The following GNAI2 variants were observed in gnomAD, a reference collection of about 807,000 sequenced individuals.
The protein encoded by GNAI2 is G protein subunit alpha i2.
Under a neutral mutation model 36.8 loss-of-function variants are expected in GNAI2, and 4 were observed. That is an observed-to-expected ratio of 0.11 (90% CI 0.05 to 0.25). GNAI2 has a LOEUF of 0.25. Ranked by LOEUF, GNAI2 falls within the 10% of genes least tolerant of loss-of-function variation. The pLI is 1.00. For missense variants in GNAI2, 230 were observed against 481.3 expected (o/e 0.48, Z 4.89); for synonymous variants, 194 against 194.1 (o/e 1.00, Z 0.01).
At chr3:50,254,852 CT>C (rs782754973) in intron 4 of GNAI2, among the ~76,000 whole-genome samples, 2 of 152,246 alleles carry the variant, frequency 1.3e-5, no homozygotes, top group Non-Finnish European at 2.9e-5. Flanking sequence ...ATAGCTCCCC[CT>C]GGGAATGGGT....
At position 50,252,827 on chromosome 3, in the gene GNAI2, G is replaced by A. The variant is rs1700595829; in HGVS notation, c.304-197G>A. On this transcript the variant is annotated intron_variant, in intron 3 of 8. Transcript: ENST00000313601. The surrounding 1 kb of genome is among the most constrained non-coding windows in gnomAD (Gnocchi z 4.1). ...TGCAGTGAGCCAAGATCGCCCCATT[G>A]CACTCTAGCCTTGGTGACAGAGCTA... Among the ~76,000 whole-genome samples, 1 of 152,178 alleles carries A rather than the reference G, an allele frequency of 6.6e-6. No individual in the cohort carries two copies. The highest frequency in any genetic ancestry group is 2.1e-4 in the South Asian group (1 of 4,834).
At chr3:50,254,020 A>G (rs1700629244) in intron 4 of GNAI2, among the ~76,000 whole-genome samples, 1 of 151,828 alleles carries the variant, frequency 6.6e-6, no homozygotes, top group Non-Finnish European at 1.5e-5. Flanking sequence ...CAGGGGAGGA[A>G]GTTATCTGGG....
chr3:50,240,927 A>AAAAAAAAAG (rs1409630610), intron 1 of GNAI2, among the ~76,000 whole-genome samples: 380 of 122,608 alleles, frequency 3.1e-3, no homozygotes, highest in African/African-American at 0.018. Flanking sequence ...TCAAAAAAAA[A>AAAAAAAAAG]AAAAAAAAAG....
In GNAI2 at chr3:50,236,283, C is replaced by G; in HGVS notation, c.-53C>G. The G allele has an allele frequency of 8.0e-7, 1 of 1,251,456 alleles. No homozygotes were observed. Among genetic ancestry groups the G allele is most frequent in the Non-Finnish European group, 1.0e-6 (1 of 997,722 alleles). 77.5% of individuals were successfully genotyped at this position (1,251,456 alleles called of 1,614,324 possible). On this transcript the variant is annotated 5_prime_UTR_variant, in exon 1 of 9. Transcript: ENST00000313601. This position sits in a 1 kb window ranked among gnomAD's most constrained non-coding sequence, Gnocchi z 4.0. ...CGGAGTGGGTCGGGCGGGGCCGAGC[C>G]GGGCCGTGGGCCGTGTGGGGGCCGG...
At position 50,258,579 on chromosome 3, in the gene GNAI2, A is replaced by G. The variant is rs915335579; in HGVS notation, c.*236A>G. 5.3e-6 allele frequency: 1 copy of G among 189,954 alleles called. No individual in the cohort carries two copies. Among genetic ancestry groups the G allele is most frequent in the Admixed American group, 5.7e-5 (1 of 17,486 alleles). 11.8% of individuals were successfully genotyped at this position (189,954 alleles called of 1,614,324 possible). A position where few individuals can be genotyped will look rare whatever the true frequency, so the allele number is the denominator to read the frequency against. Reference sequence around the variant, plus strand: ...CTGAGATGCTGGTAATGGCCATGGTACCCCCTTCTGGGCATCTGTTCTGGT... The same window carrying G: ...CTGAGATGCTGGTAATGGCCATGGTGCCCCCTTCTGGGCATCTGTTCTGGT... On this transcript the variant is annotated 3_prime_UTR_variant, in exon 9 of 9. Coordinates refer to ENST00000313601, the MANE Select transcript of GNAI2 (RefSeq NM_002070.4).
intron 5 of GNAI2, 147 bp from the exon 6 acceptor site, chr3:50,256,576 G>A (rs1365364395): frequency 1.1e-6 from 1 of 882,188 alleles, no homozygotes; most frequent in Admixed American, 2.2e-5. Flanking sequence ...CCCAGAACCA[G>A]GGGTGAAGTG....
chr3:50,250,538 C>T (rs1490039370), intron 1 of GNAI2, among the ~76,000 whole-genome samples: 2 of 152,200 alleles, frequency 1.3e-5, no homozygotes, highest in African/African-American at 2.4e-5. Flanking sequence ...CTGGCAGCTG[C>T]AGGTGTGACT....
At chr3:50,243,726 T>C (rs1238663728) in intron 1 of GNAI2, among the ~76,000 whole-genome samples, 3 of 152,246 alleles carry the variant, frequency 2.0e-5, no homozygotes, top group Non-Finnish European at 2.9e-5. Flanking sequence ...AGGGACTTTA[T>C]GCACTTAAAC....
Position 50,253,298 on chromosome 3 carries a change from C to T in GNAI2, c.464+114C>T. ...ACACTGCTGGTCTTTGCTTATGAAA[C>T]CGATGACTGTTAACCAAGGCCTTCC... On this transcript the variant is annotated intron_variant, in intron 4 of 8. Coordinates refer to ENST00000313601, the MANE Select transcript of GNAI2 (RefSeq NM_002070.4). This position sits in a 1 kb window ranked among gnomAD's most constrained non-coding sequence, Gnocchi z 4.2. 1 of 833,016 alleles carries T rather than the reference C, an allele frequency of 1.2e-6. No individual in the cohort carries two copies. Among genetic ancestry groups the T allele is most frequent in the East Asian group, 2.5e-5 (1 of 39,338 alleles). 51.6% of individuals were successfully genotyped at this position (833,016 alleles called of 1,614,324 possible). A position where few individuals can be genotyped will look rare whatever the true frequency, so the allele number is the denominator to read the frequency against.
rs1575459250 is a variant in GNAI2, at chr3:50,258,546, G to A, written c.*203G>A. 5.6e-6 allele frequency: 1 copy of A among 179,026 alleles called. No individual in the cohort carries two copies. The highest frequency in any genetic ancestry group is 5.8e-5 in the Admixed American group (1 of 17,192). 11.1% of individuals were successfully genotyped at this position (179,026 alleles called of 1,614,324 possible). A position where few individuals can be genotyped will look rare whatever the true frequency, so the allele number is the denominator to read the frequency against. On this transcript the variant is annotated 3_prime_UTR_variant, in exon 9 of 9. Coordinates refer to ENST00000313601, the MANE Select transcript of GNAI2 (RefSeq NM_002070.4). ...CCACAGGCCTCCCTGTTTGAAGCCT[G>A]CCCTTGTCTGAGATGCTGGTAATGG...
intron 1 of GNAI2, among the ~76,000 whole-genome samples, chr3:50,246,177 C>T (rs587654283): frequency 2.6e-4 from 39 of 152,310 alleles, no homozygotes; most frequent in Admixed American, 2.5e-3. Context: ...GGTCTCTGCC[C>T]CTCCCTCCCG....
chr3:50,254,013 G>T (rs1553702875), intron 4 of GNAI2, among the ~76,000 whole-genome samples: 2 of 152,026 alleles, frequency 1.3e-5, no homozygotes, highest in African/African-American at 4.8e-5. Flanking sequence ...GGGGCCACAG[G>T]GGAGGAAGTT....
At position 50,252,246 on chromosome 3, in the gene GNAI2, C is replaced by A; in HGVS notation, c.161+104C>A. 1 of 1,423,130 alleles carries A rather than the reference C, an allele frequency of 7.0e-7. No individual in the cohort carries two copies. The highest frequency in any genetic ancestry group is 9.9e-7 in the Non-Finnish European group (1 of 1,013,492). The allele number at this position is 1,423,130 out of a possible 1,614,324, so 88.2% of individuals were successfully genotyped here. On this transcript the variant is annotated intron_variant, in intron 2 of 8. Transcript: ENST00000313601. The surrounding 1 kb of genome is among the most constrained non-coding windows in gnomAD (Gnocchi z 4.1). ...ACAGGCCCAGCCAGTCTTAGCCAGG[C>A]CCAGAATCTTCTGAGAAGCAGAAGG...
chr3:50,228,678 A>C (rs1008632091), upstream of GNAI2, among the ~76,000 whole-genome samples: 1 of 151,836 alleles, frequency 6.6e-6, no homozygotes, highest in African/African-American at 2.4e-5. Context: ...GCCCCTGCTG[A>C]CCCCTGCCCC....
At chr3:50,244,617 T>C (rs1196480734) in intron 1 of GNAI2, among the ~76,000 whole-genome samples, 1 of 152,212 alleles carries the variant, frequency 6.6e-6, no homozygotes, top group Non-Finnish European at 1.5e-5. Flanking sequence ...CGTACGGTAC[T>C]GTGTGGTGGT....
intron 1 of GNAI2, among the ~76,000 whole-genome samples, chr3:50,237,371 G>C (rs1017000840): frequency 6.6e-6 from 1 of 152,230 alleles, no homozygotes; most frequent in African/African-American, 2.4e-5. Context: ...GGAGGAGTTA[G>C]GGTTGTGGCC....
chr3:50,242,300 G>T lies in GNAI2; in HGVS notation c.118+5847G>T, dbSNP rs995900857. ...TGGGGGGAGGCAGGACCGGGCAGAT[G>T]GGGGCAAGGTACAGGCCAGGGAGTA... On this transcript the variant is annotated intron_variant, in intron 1 of 8. Coordinates refer to ENST00000313601, the MANE Select transcript of GNAI2 (RefSeq NM_002070.4). The surrounding 1 kb of genome is among the most constrained non-coding windows in gnomAD (Gnocchi z 4.8). Among the ~76,000 whole-genome samples the T allele has an allele frequency of 2.0e-5, 3 of 152,144 alleles. No homozygotes were observed. The highest frequency in any genetic ancestry group is 4.4e-5 in the Non-Finnish European group (3 of 68,028).
At chr3:50,247,396 CTG>C (rs1306985916) in intron 1 of GNAI2, among the ~76,000 whole-genome samples, 1 of 152,244 alleles carries the variant, frequency 6.6e-6, no homozygotes, top group African/African-American at 2.4e-5. Context: ...CCAGGGGAAA[CTG>C]AAGCCAGAAA....
intron 8 of GNAI2, 22 bp downstream of exon 8, chr3:50,257,736 A>G: frequency 9.8e-7 from 1 of 1,023,792 alleles, no homozygotes; most frequent in South Asian, 2.0e-5. Context: ...GGGCTGTGGC[A>G]GGGTGCTGGG....
Sources: allele counts gnomAD v4.1 joint callset (sites outside exome capture counted in the v4.1 genomes callset), GRCh38; gene constraint gnomAD v4.1.1; non-coding constraint Gnocchi (gnomAD v3.1); transcripts MANE v1.5; gene names NCBI Gene and HGNC (gene_info 2026-07-23, HGNC 2026-07-21).